Variants in DPP10 observed in about 807,000 individuals in gnomAD.
DPP10 encodes the protein inactive dipeptidyl peptidase 10.
A neutral mutation model predicts 120.9 loss-of-function variants in DPP10; 33 were observed. The observed-to-expected ratio is 0.27, with a 90% CI of 0.21 to 0.37. DPP10 has a LOEUF of 0.37. Among genes scored for constraint, DPP10 ranks in the 10% least tolerant of loss-of-function variants. The probability of loss-of-function intolerance (pLI) is 1.00; values close to 1 mark genes in which losing one functional copy is unlikely to be tolerated. For missense variants in DPP10, 816 were observed against 942.8 expected (o/e 0.87, Z 1.76); for synonymous variants, 337 against 326.1 (o/e 1.03, Z -0.36).
In DPP10 at chr2:115,768,456, A is replaced by G. The variant is rs577641769; in HGVS notation, c.1221+52A>G. 149 of 1,524,338 alleles carry G rather than the reference A, an allele frequency of 9.8e-5. 1 individual carries two copies. In the South Asian group the frequency reaches 1.6e-3, roughly 16 times the overall value. 94.4% of individuals were successfully genotyped at this position (1,524,338 alleles called of 1,614,324 possible). A position where few individuals can be genotyped will look rare whatever the true frequency, so the allele number is the denominator to read the frequency against. ...TGATTTCATTGTCCTCATGTCCCCGAAGGCCCAGTTCTTGTGGCATTCTAA... is the reference window on the plus strand; with the variant it reads ...TGATTTCATTGTCCTCATGTCCCCGGAGGCCCAGTTCTTGTGGCATTCTAA... On this transcript the variant is annotated intron_variant, in intron 13 of 25. Coordinates refer to ENST00000410059, the MANE Select transcript of DPP10 (RefSeq NM_020868.6).
intron 5 of DPP10, among the ~76,000 whole-genome samples, chr2:115,573,003 A>G (rs2081428011): frequency 6.6e-6 from 1 of 152,204 alleles, no homozygotes; most frequent in African/African-American, 2.4e-5. Context: ...AAATGCTGAG[A>G]TAGAGTCTTG....
intron 1 of DPP10, among the ~76,000 whole-genome samples, chr2:114,700,784 A>T (rs1168337308): frequency 6.6e-6 from 1 of 152,030 alleles, no homozygotes; most frequent in Non-Finnish European, 1.5e-5. Flanking sequence ...ACGTCCCCTA[A>T]CAATAAGCAC....
intron 1 of DPP10, among the ~76,000 whole-genome samples, chr2:114,798,578 C>T (rs77470203): frequency 8.1e-4 from 124 of 152,174 alleles, no homozygotes; most frequent in African/African-American, 2.8e-3. Context: ...ATTGCATCTG[C>T]ATGAAGGTCA....
chr2:115,398,388 G>A (rs1251244443), intron 3 of DPP10, among the ~76,000 whole-genome samples: 1 of 152,030 alleles, frequency 6.6e-6, no homozygotes, highest in Non-Finnish European at 1.5e-5. Context: ...CACTGAGAGT[G>A]CCTTAGAGGA....
At chr2:114,930,791 T>C (rs1299545609) in intron 1 of DPP10, among the ~76,000 whole-genome samples, 3 of 152,130 alleles carry the variant, frequency 2.0e-5, no homozygotes, top group Non-Finnish European at 2.9e-5. Context: ...GGAGCTGTTG[T>C]TTGCGGAGAT....
chr2:115,133,115 ATGTGTGTGTG>A lies in DPP10; in HGVS notation c.61-176102_61-176093del, dbSNP rs1242932823. On this transcript the variant is annotated intron_variant, in intron 1 of 25. Coordinates refer to ENST00000410059, the MANE Select transcript of DPP10 (RefSeq NM_020868.6). ...TCCCAATCTATATATATGTATATGT[ATGTGTGTGTG>A]TGTGTGTGTGTGTGTGTGTGTATAT... Among the ~76,000 whole-genome samples the A allele has an allele frequency of 3.4e-3, 254 of 73,990 alleles. 1 individual carries two copies. Among genetic ancestry groups the A allele is most frequent in the Non-Finnish European group, 4.4e-3 (194 of 43,964 alleles). 48.5% of individuals were successfully genotyped at this position (73,990 alleles called of 152,430 possible).
intron 1 of DPP10, among the ~76,000 whole-genome samples, chr2:115,103,350 G>A (rs1209012351): frequency 6.6e-6 from 1 of 152,068 alleles, no homozygotes; most frequent in Non-Finnish European, 1.5e-5. Context: ...ACCACGCCCG[G>A]CTAATTTTTT....
intron 9 of DPP10, among the ~76,000 whole-genome samples, chr2:115,741,153 A>T (rs1339206187): frequency 1.3e-5 from 2 of 152,140 alleles, no homozygotes; most frequent in Admixed American, 1.3e-4. Context: ...TTGAATATTG[A>T]GGATCAGAAA....
chr2:115,792,525 A>G (rs1406218689), intron 19 of DPP10, among the ~76,000 whole-genome samples: 2 of 152,068 alleles, frequency 1.3e-5, no homozygotes, highest in Non-Finnish European at 2.9e-5. Flanking sequence ...ATAGTTTCTC[A>G]TATCCAAACT....
chr2:115,668,226 C>T (rs562947883), intron 5 of DPP10, among the ~76,000 whole-genome samples: 7 of 151,900 alleles, frequency 4.6e-5, no homozygotes, highest in African/African-American at 1.5e-4. Flanking sequence ...TGAATGTTCC[C>T]GCCAACATTG....
chr2:115,511,751 A>T (rs2077242696), intron 4 of DPP10, among the ~76,000 whole-genome samples: 1 of 122,044 alleles, frequency 8.2e-6, no homozygotes. Flanking sequence ...TTTTTGACAC[A>T]GGGTCTCACT....
Position 115,309,343 on chromosome 2 carries a change from C to T in DPP10, c.165C>T (p.Leu55=), listed in dbSNP as rs1298912006. The change falls in exon 2 of 26, where the codon CTC becomes CTT. Residue 55 remains leucine (L), a synonymous_variant. Transcript: ENST00000410059. ...CACTCATCACTATGTCAGTCATCCT[C>T]TTAACCCCAGGTAATCTGTCTTTAT... The part of the protein sequence containing the change: ...VCSLITMSVI[L]LTPDELTNSS... 6.2e-7 allele frequency: 1 copy of T among 1,613,098 alleles called. No individual in the cohort carries two copies. The highest frequency in any genetic ancestry group is 8.5e-7 in the Non-Finnish European group (1 of 1,179,350).
intron 1 of DPP10, among the ~76,000 whole-genome samples, chr2:114,962,576 T>C (rs1219521755): frequency 1.3e-5 from 2 of 152,226 alleles, no homozygotes; most frequent in Non-Finnish European, 2.9e-5. Flanking sequence ...ATAGGCAGCC[T>C]ACCTGCCACA....
At chr2:115,521,204 T>A (rs1174971331) in intron 4 of DPP10, among the ~76,000 whole-genome samples, 1 of 152,208 alleles carries the variant, frequency 6.6e-6, no homozygotes, top group Non-Finnish European at 1.5e-5. Flanking sequence ...CAAGCAATGG[T>A]ACACCATGTT....
intron 3 of DPP10, among the ~76,000 whole-genome samples, chr2:115,377,992 C>T (rs1313847232): frequency 1.3e-5 from 2 of 151,730 alleles, no homozygotes; most frequent in African/African-American, 4.8e-5. Flanking sequence ...AGTGTGATGC[C>T]TCCAGCTTTG....
At chr2:115,346,748 G>A (rs191342871) in intron 3 of DPP10, among the ~76,000 whole-genome samples, 87 of 152,160 alleles carry the variant, frequency 5.7e-4, no homozygotes, top group African/African-American at 1.4e-3. Context: ...CTCTGTGATC[G>A]ATGCTTTATG....
chr2:115,137,755 G>A (rs1156628395), intron 1 of DPP10, among the ~76,000 whole-genome samples: 2 of 152,224 alleles, frequency 1.3e-5, no homozygotes, highest in East Asian at 3.9e-4. Flanking sequence ...TCAACGGACA[G>A]AAGGCAGGGC....
At chr2:114,784,520 T>C (rs1050578617) in intron 1 of DPP10, among the ~76,000 whole-genome samples, 1 of 152,102 alleles carries the variant, frequency 6.6e-6, no homozygotes, top group Non-Finnish European at 1.5e-5. Flanking sequence ...TCAAATATGT[T>C]CCTATAAAAA....
chr2:115,064,934 A>G (rs1706720550), intron 1 of DPP10: 1 of 868,004 alleles, frequency 1.2e-6, no homozygotes, highest in Non-Finnish European at 1.6e-6. Context: ...AGCATTATTC[A>G]TCATAGGCCT....
Sources: gnomAD v4.1 joint callset for allele counts (sites outside exome capture counted in the v4.1 genomes callset) on GRCh38, gnomAD v4.1.1 for gene constraint, MANE v1.5 for transcripts, NCBI Gene and HGNC (gene_info 2026-07-23, HGNC 2026-07-21) for gene names.